Variants in MAGI1 observed in about 807,000 individuals in gnomAD.
MAGI1 encodes the protein membrane-associated guanylate kinase, WW and PDZ domain-containing protein 1.
In MAGI1, 58 loss-of-function variants were observed where a neutral mutation model predicts 139.9. The ratio of observed to expected loss-of-function variants is 0.41; its 90% CI spans 0.34 to 0.52. The LOEUF (loss-of-function observed/expected upper bound fraction) is 0.52, where lower values mean the gene tolerates loss of function less well. MAGI1 is among the 20% of genes least tolerant of loss of function. MAGI1 has a pLI of 0.12. For synonymous variants in MAGI1, 812 were observed against 737.9 expected, an observed-to-expected ratio of 1.10 and a Z score of -1.63; for missense variants, 1,874 against 1,901.6, an observed-to-expected ratio of 0.99 and a Z score of 0.27.
At chr3:65,601,023 A>C (rs1336319404) in intron 2 of MAGI1, among the ~76,000 whole-genome samples, 1 of 152,174 alleles carries the variant, frequency 6.6e-6, no homozygotes, top group Non-Finnish European at 1.5e-5. Flanking sequence ...TGTGATGAAG[A>C]CTAACTGGGT....
At chr3:65,761,422 G>C (rs2037014305) in intron 1 of MAGI1, among the ~76,000 whole-genome samples, 1 of 152,104 alleles carries the variant, frequency 6.6e-6, no homozygotes, top group Non-Finnish European at 1.5e-5. Context: ...AATAGACCTA[G>C]TACCAGTCTT....
chr3:65,995,270 T>C (rs2066381171), intron 1 of MAGI1, among the ~76,000 whole-genome samples: 1 of 152,190 alleles, frequency 6.6e-6, no homozygotes, highest in African/African-American at 2.4e-5. Context: ...AAATGCAATA[T>C]GGTCTAGAGA....
intron 1 of MAGI1, among the ~76,000 whole-genome samples, chr3:65,648,082 C>G (rs2085362500): frequency 6.6e-6 from 1 of 152,106 alleles, no homozygotes; most frequent in Admixed American, 6.6e-5. Context: ...AACAAAAAGC[C>G]TCCTAGTACT....
In MAGI1 at chr3:65,510,461, G is replaced by T. The variant is rs1363499288; in HGVS notation, c.431-16830C>A. On this transcript the variant is annotated intron_variant, in intron 2 of 22. Coordinates refer to ENST00000402939, the MANE Select transcript of MAGI1 (RefSeq NM_001033057.2). ...AACCAATACAGAGAAGTGCTTAAAG[G>T]AGCTGATGGAGCTGAAAACCAAGGC... Among the ~76,000 whole-genome samples, 4 of 148,416 alleles carry T rather than the reference G, an allele frequency of 2.7e-5. No homozygotes were observed. The East Asian group carries it at 6.0e-4, about 22-fold the overall frequency.
intron 2 of MAGI1, among the ~76,000 whole-genome samples, chr3:65,558,038 C>T (rs1258394994): frequency 6.6e-6 from 1 of 152,188 alleles, no homozygotes; most frequent in Non-Finnish European, 1.5e-5. Flanking sequence ...TGATCCAGGT[C>T]TGTCCGGACT....
chr3:65,922,160 T>C (rs1045878793), intron 1 of MAGI1, among the ~76,000 whole-genome samples: 1 of 152,048 alleles, frequency 6.6e-6, no homozygotes, highest in Non-Finnish European at 1.5e-5. Flanking sequence ...CTCTAAGAGA[T>C]GAAATGACAT....
chr3:65,536,723 G>T (rs1190638892), intron 2 of MAGI1, among the ~76,000 whole-genome samples: 1 of 152,068 alleles, frequency 6.6e-6, no homozygotes, highest in Non-Finnish European at 1.5e-5. Flanking sequence ...TTCAATCTTG[G>T]GACATTGGTT....
chr3:65,855,375 C>G (rs1196407037), intron 1 of MAGI1, among the ~76,000 whole-genome samples: 1 of 151,480 alleles, frequency 6.6e-6, no homozygotes, highest in Non-Finnish European at 1.5e-5. Context: ...GGCCAGGAGT[C>G]TGAGACCAGC....
intron 1 of MAGI1, among the ~76,000 whole-genome samples, chr3:65,756,308 T>G (rs2036561188): frequency 6.6e-6 from 1 of 152,142 alleles, no homozygotes; most frequent in South Asian, 2.1e-4. Flanking sequence ...AGTTAAATGG[T>G]GGTGCATGTC....
At chr3:65,709,241 C>CTGA (rs2030948905) in intron 1 of MAGI1, among the ~76,000 whole-genome samples, 1 of 152,224 alleles carries the variant, frequency 6.6e-6, no homozygotes, top group Admixed American at 6.5e-5. Context: ...TGCAGCTCAA[C>CTGA]ACATTTCTTA....
At chr3:65,569,600 G>C (rs1344913310) in intron 2 of MAGI1, among the ~76,000 whole-genome samples, 1 of 152,132 alleles carries the variant, frequency 6.6e-6, no homozygotes, top group South Asian at 2.1e-4. Flanking sequence ...TAAGACGGCA[G>C]GCACGGTGGC....
intron 4 of MAGI1, among the ~76,000 whole-genome samples, chr3:65,477,256 A>T (rs191141692): frequency 9.7e-4 from 148 of 152,348 alleles, no homozygotes; most frequent in Non-Finnish European, 1.7e-3. Flanking sequence ...AATAAATTTT[A>T]AAAAACCTAA....
intron 5 of MAGI1, among the ~76,000 whole-genome samples, chr3:65,468,656 C>T (rs1950340547): frequency 6.6e-6 from 1 of 151,940 alleles, no homozygotes; most frequent in Admixed American, 6.6e-5. Context: ...AGATTACAGG[C>T]GTGAGCCACT....
At chr3:65,599,546 A>T (rs2082384299) in intron 2 of MAGI1, among the ~76,000 whole-genome samples, 1 of 152,264 alleles carries the variant, frequency 6.6e-6, no homozygotes, top group Admixed American at 6.5e-5. Context: ...GTGACTGTAG[A>T]TAATTACTTG....
At chr3:65,688,760 TC>T (rs979136216) in intron 1 of MAGI1, among the ~76,000 whole-genome samples, 47 of 152,186 alleles carry the variant, frequency 3.1e-4, no homozygotes, top group African/African-American at 1.1e-3. Flanking sequence ...TATTCTAGAA[TC>T]CCCACCTCCT....
At chr3:66,027,190 C>T (rs28375896) in intron 1 of MAGI1, among the ~76,000 whole-genome samples, 84,933 of 151,288 alleles carry the variant, frequency 0.56, 25,257 homozygotes, top group East Asian at 0.87. Flanking sequence ...ATGGCGTGAA[C>T]CCCAGAGGTG....
At chr3:65,523,956 T>C (rs747129652) in intron 2 of MAGI1, among the ~76,000 whole-genome samples, 40 of 152,014 alleles carry the variant, frequency 2.6e-4, no homozygotes, top group South Asian at 2.3e-3. Context: ...AAAGATCACA[T>C]GAAACACAGA....
At chr3:65,686,526 C>A (rs1373765029) in intron 1 of MAGI1, among the ~76,000 whole-genome samples, 1 of 152,168 alleles carries the variant, frequency 6.6e-6, no homozygotes, top group Non-Finnish European at 1.5e-5. Flanking sequence ...CTCCTGACCT[C>A]ATGATACTCC....
intron 13 of MAGI1, 69 bp downstream of exon 13, chr3:65,401,370 C>T (rs1050273074): frequency 3.4e-6 from 4 of 1,178,586 alleles, no homozygotes; most frequent in African/African-American, 1.5e-5. Flanking sequence ...CACAGAGTAC[C>T]CTCCCACCTC....
Sources: gnomAD v4.1 joint callset for allele counts (sites outside exome capture counted in the v4.1 genomes callset) on GRCh38, gnomAD v4.1.1 for gene constraint, MANE v1.5 for transcripts, NCBI Gene and HGNC (gene_info 2026-07-23, HGNC 2026-07-21) for gene names.